Variants in ACTR3C observed in about 807,000 individuals in gnomAD.
ACTR3C encodes actin-related protein 3C.
In ACTR3C, 18 loss-of-function variants were observed where a neutral mutation model predicts 26.3. The ratio of observed to expected loss-of-function variants is 0.68; its 90% confidence interval spans 0.47 to 1.01. ACTR3C has a LOEUF of 1.01. ACTR3C is among the 50% of genes least tolerant of loss of function. ACTR3C has a pLI of 0.00. For missense variants in ACTR3C, 184 were observed against 250.7 expected (o/e 0.73, Z 1.80); for synonymous variants, 55 against 94.5 (o/e 0.58, Z 2.42).
chr7:150,120,021 G>A, the ACTR3C span, among the ~76,000 whole-genome samples: 6 of 152,174 alleles, frequency 3.9e-5, no homozygotes, highest in African/African-American at 1.4e-4. Context: ...AAATAAGTAA[G>A]TTCTTTGAAA....
chr7:150,204,311 G>A, the ACTR3C span, among the ~76,000 whole-genome samples: 1 of 144,774 alleles, frequency 6.9e-6, no homozygotes, highest in Non-Finnish European at 1.5e-5. Context: ...TGGTGATGGT[G>A]GGAAAATGTG....
chr7:150,041,912 G>GT, the ACTR3C span, among the ~76,000 whole-genome samples: 29 of 3,570 alleles, frequency 8.1e-3, no homozygotes, highest in African/African-American at 0.036. Context: ...CTCAGAGCCA[G>GT]GGGGGGAAGA....
At chr7:150,322,520 T>G (rs926034520) in intron 1 of ACTR3C, 3 of 152,250 alleles carry the variant, frequency 2.0e-5, no homozygotes, top group African/African-American at 7.2e-5. Context: ...ACAGACGCCA[T>G]GACACCATCA....
chr7:150,053,862 A>T, the ACTR3C span, among the ~76,000 whole-genome samples: 2 of 152,258 alleles, frequency 1.3e-5, no homozygotes, highest in African/African-American at 4.8e-5. Flanking sequence ...TAAAATGTGC[A>T]TCTGGACTAA....
At chr7:149,928,709 G>A in the ACTR3C span, among the ~76,000 whole-genome samples, 2 of 151,376 alleles carry the variant, frequency 1.3e-5, no homozygotes, top group Non-Finnish European at 2.9e-5. Flanking sequence ...CATGCGTGGT[G>A]GTGTACACCT....
At chr7:149,936,984 C>A in the ACTR3C span, among the ~76,000 whole-genome samples, 14 of 151,916 alleles carry the variant, frequency 9.2e-5, no homozygotes, top group Non-Finnish European at 1.5e-5. Flanking sequence ...GAGACGAGAT[C>A]TCCCTATGTT....
chr7:150,238,858 A>G, the ACTR3C span, among the ~76,000 whole-genome samples: 4 of 146,330 alleles, frequency 2.7e-5, no homozygotes, highest in Non-Finnish European at 5.9e-5. Context: ...TCCTGAAGAT[A>G]TGCATGTGCT....
At chr7:150,159,279 T>A in the ACTR3C span, among the ~76,000 whole-genome samples, 1 of 151,948 alleles carries the variant, frequency 6.6e-6, no homozygotes, top group Admixed American at 6.6e-5. Context: ...CTTCCCAGGA[T>A]GGGCTTGGTA....
At chr7:150,223,761 C>T in the ACTR3C span, among the ~76,000 whole-genome samples, 2 of 152,194 alleles carry the variant, frequency 1.3e-5, no homozygotes, top group Non-Finnish European at 2.9e-5. Flanking sequence ...AAACAAAGCA[C>T]ATCTATTGTC....
chr7:150,081,300 AAG>A, the ACTR3C span, among the ~76,000 whole-genome samples: 1 of 148,510 alleles, frequency 6.7e-6, no homozygotes, highest in Non-Finnish European at 1.5e-5. Flanking sequence ...AAGAAATAGA[AAG>A]AGAAGAGAGA....
intron 1 of ACTR3C, among the ~76,000 whole-genome samples, chr7:150,319,824 G>A (rs1162733337): frequency 1.3e-5 from 2 of 152,186 alleles, no homozygotes; most frequent in Non-Finnish European, 2.9e-5. Context: ...AGGGCAAACA[G>A]GGATGCTGTA....
At chr7:150,016,305 C>G in the ACTR3C span, among the ~76,000 whole-genome samples, 1 of 152,090 alleles carries the variant, frequency 6.6e-6, no homozygotes, top group Non-Finnish European at 1.5e-5. Flanking sequence ...GCAAAATTTC[C>G]AAGATCTAGG....
chr7:150,111,554 G>A, the ACTR3C span, among the ~76,000 whole-genome samples: 1 of 84,848 alleles, frequency 1.2e-5, no homozygotes, highest in South Asian at 4.3e-4. Flanking sequence ...TTTCTCACTC[G>A]CCCACTCACA....
At position 150,274,154 on chromosome 7, in the gene ACTR3C, G is replaced by A. The variant is rs1834665111; in HGVS notation, c.564+10599C>T. ...AAGCAAGGCTGGGCAAAATGACGTG[G>A]GAAAAAGCGCCGAGGTGCAGTCTAG... On this transcript the variant is annotated intron_variant, in intron 6 of 7. Transcript: ENST00000683684. This position sits in a 1 kb window ranked among gnomAD's most constrained non-coding sequence, Gnocchi z 4.1. 6.6e-6 allele frequency among the ~76,000 whole-genome samples: 1 copy of A among 152,070 alleles called. No individual in the cohort carries two copies. The highest frequency in any genetic ancestry group is 2.4e-5 in the African/African-American group (1 of 41,356).
the ACTR3C span, among the ~76,000 whole-genome samples, chr7:149,975,717 C>G: frequency 6.6e-6 from 1 of 152,092 alleles, no homozygotes; most frequent in Non-Finnish European, 1.5e-5. Flanking sequence ...ACTCAGGAAA[C>G]TTACAGTTAT....
chr7:150,297,168 A>C (rs1563193978), intron 1 of ACTR3C, among the ~76,000 whole-genome samples: 1 of 146,468 alleles, frequency 6.8e-6, no homozygotes, highest in Admixed American at 6.6e-5. Context: ...AAGAGTCTTC[A>C]AGGGAAGAAG....
chr7:150,145,378 C>A, the ACTR3C span, among the ~76,000 whole-genome samples: 258 of 152,284 alleles, frequency 1.7e-3, 2 homozygotes, highest in Middle Eastern at 0.01. Flanking sequence ...CTTACTTCAT[C>A]TCACAGAGCT....
At chr7:150,141,334 A>T in the ACTR3C span, among the ~76,000 whole-genome samples, 4 of 152,112 alleles carry the variant, frequency 2.6e-5, no homozygotes, top group African/African-American at 7.2e-5. Flanking sequence ...GTCCCTCCAA[A>T]ATAGGTGGAC....
At chr7:150,151,309 C>T in the ACTR3C span, among the ~76,000 whole-genome samples, 3 of 137,674 alleles carry the variant, frequency 2.2e-5, no homozygotes. Flanking sequence ...ACATTGGAAA[C>T]CTTAGCTAGC....
Sources: gnomAD v4.1 joint callset for allele counts (sites outside exome capture counted in the v4.1 genomes callset) on GRCh38, gnomAD v4.1.1 for gene constraint, Gnocchi (gnomAD v3.1) non-coding constraint, MANE v1.5 for transcripts, NCBI Gene and HGNC (gene_info 2026-07-23, HGNC 2026-07-21) for gene names.